Variants in ADGRL3 observed in about 807,000 individuals in gnomAD.
ADGRL3 encodes adhesion G protein-coupled receptor L3, also known as calcium-independent alpha-latrotoxin receptor 3.
In ADGRL3, 62 loss-of-function variants were observed where a neutral mutation model predicts 153.5. That is an observed-to-expected ratio of 0.40 (90% CI 0.33 to 0.50). The LOEUF (loss-of-function observed/expected upper bound fraction) is 0.50, where lower values mean the gene tolerates loss of function less well. ADGRL3 is among the 20% of genes least tolerant of loss of function. The pLI, the probability that ADGRL3 is intolerant of heterozygous loss-of-function variation, is 0.47. For missense variants in ADGRL3, 1,641 were observed against 1,859.4 expected, an observed-to-expected ratio of 0.88 and a Z score of 2.16; for synonymous variants, 710 against 672.5, an observed-to-expected ratio of 1.06 and a Z score of -0.86.
intron 5 of ADGRL3, among the ~76,000 whole-genome samples, chr4:61,611,993 A>T (rs2091421959): frequency 6.6e-6 from 1 of 152,146 alleles, no homozygotes; most frequent in Non-Finnish European, 1.5e-5. Flanking sequence ...AATAAGCCTC[A>T]TACATTTCTT....
chr4:61,493,671 G>A (rs116163686), intron 2 of ADGRL3, among the ~76,000 whole-genome samples: 2 of 152,066 alleles, frequency 1.3e-5, no homozygotes, highest in Non-Finnish European at 2.9e-5. Flanking sequence ...TCTTCTCTGC[G>A]TGCTTTCCTG....
intron 23 of ADGRL3, among the ~76,000 whole-genome samples, chr4:62,035,173 A>C (rs1211012767): frequency 6.6e-6 from 1 of 151,990 alleles, no homozygotes; most frequent in Non-Finnish European, 1.5e-5. Context: ...AAATAAAGTC[A>C]GTATAATGAT....
intron 1 of ADGRL3, among the ~76,000 whole-genome samples, chr4:61,345,050 G>C (rs545098044): frequency 2.9e-4 from 44 of 151,304 alleles, no homozygotes; most frequent in African/African-American, 8.7e-4. Flanking sequence ...CATCCGCCTC[G>C]GCCTTTCAAA....
chr4:61,739,159 ATATAGT>A (rs2096553133), intron 8 of ADGRL3, among the ~76,000 whole-genome samples: 1 of 152,306 alleles, frequency 6.6e-6, no homozygotes, highest in African/African-American at 2.4e-5. Context: ...ATTTTAAATA[ATATAGT>A]TATATTTCAC....
chr4:61,772,503 A>G (rs2097098102), intron 8 of ADGRL3, among the ~76,000 whole-genome samples: 1 of 152,346 alleles, frequency 6.6e-6, no homozygotes, highest in South Asian at 2.1e-4. Flanking sequence ...TTTACACGAC[A>G]TGAGAGACTT....
chr4:61,695,473 T>C (rs900762510), intron 6 of ADGRL3, among the ~76,000 whole-genome samples: 2 of 152,166 alleles, frequency 1.3e-5, no homozygotes, highest in African/African-American at 4.8e-5. Context: ...ACATTTTCAG[T>C]AGATCATGCT....
chr4:61,410,846 GT>G (rs1188238161), intron 2 of ADGRL3, among the ~76,000 whole-genome samples: 2 of 152,178 alleles, frequency 1.3e-5, no homozygotes, highest in African/African-American at 2.4e-5. Flanking sequence ...TGCTGATGCA[GT>G]TTTGGGGCAG....
intron 2 of ADGRL3, among the ~76,000 whole-genome samples, chr4:61,479,601 T>G (rs2098110249): frequency 6.6e-6 from 1 of 152,116 alleles, no homozygotes; most frequent in Admixed American, 6.5e-5. Flanking sequence ...CAGAAACTAT[T>G]TGCAGAGCCC....
At chr4:61,910,476 A>G in intron 12 of ADGRL3, among the ~76,000 whole-genome samples, 1 of 150,016 alleles carries the variant, frequency 6.7e-6, no homozygotes, top group African/African-American at 2.4e-5. Flanking sequence ...TATAAAATAT[A>G]TTTCATATAT....
chr4:61,262,433 T>G (rs903411934), intron 1 of ADGRL3, among the ~76,000 whole-genome samples: 3 of 152,058 alleles, frequency 2.0e-5, no homozygotes, highest in African/African-American at 7.2e-5. Flanking sequence ...AAAATTAAGG[T>G]CGCCATTGTG....
intron 1 of ADGRL3, among the ~76,000 whole-genome samples, chr4:61,330,664 C>T (rs2095553896): frequency 6.6e-6 from 1 of 152,088 alleles, no homozygotes; most frequent in African/African-American, 2.4e-5. Flanking sequence ...GGCACGGACC[C>T]AAAGAGTGAG....
At chr4:61,694,179 AT>A (rs554084495) in intron 6 of ADGRL3, among the ~76,000 whole-genome samples, 5 of 26,710 alleles carry the variant, frequency 1.9e-4, no homozygotes, top group Admixed American at 5.5e-4. Context: ...TTTTGTCATT[AT>A]TTTTTTTTTT....
At chr4:62,038,389 C>T (rs1726261927) in intron 24 of ADGRL3, among the ~76,000 whole-genome samples, 2 of 152,206 alleles carry the variant, frequency 1.3e-5, no homozygotes, top group Non-Finnish European at 2.9e-5. Flanking sequence ...CACTCCCATT[C>T]GCCCAGCACT....
intron 1 of ADGRL3, among the ~76,000 whole-genome samples, chr4:61,313,912 C>T (rs1578228609): frequency 1.3e-5 from 2 of 152,166 alleles, no homozygotes; most frequent in Admixed American, 6.5e-5. Flanking sequence ...TGCCCACACT[C>T]ACTCAGACTG....
chr4:61,809,143 A>G (rs1351344605), intron 8 of ADGRL3, among the ~76,000 whole-genome samples: 1 of 152,152 alleles, frequency 6.6e-6, no homozygotes, highest in Admixed American at 6.6e-5. Context: ...ACCATCAGCT[A>G]TTAAACTTGT....
intron 1 of ADGRL3, among the ~76,000 whole-genome samples, chr4:61,346,657 C>T (rs759388148): frequency 2.6e-5 from 4 of 151,010 alleles, no homozygotes; most frequent in Non-Finnish European, 5.9e-5. Flanking sequence ...TGACTATTGT[C>T]CCGGCTACTC....
At chr4:61,344,646 C>G (rs1316041250) in intron 1 of ADGRL3, among the ~76,000 whole-genome samples, 1 of 151,920 alleles carries the variant, frequency 6.6e-6, no homozygotes, top group Non-Finnish European at 1.5e-5. Context: ...GATCATTGTG[C>G]CTGTCCTGGT....
chr4:61,736,956 TTGCA>T (rs1165102853), intron 8 of ADGRL3, among the ~76,000 whole-genome samples: 2 of 152,192 alleles, frequency 1.3e-5, no homozygotes, highest in African/African-American at 4.8e-5. Flanking sequence ...TAGAAATAAA[TTGCA>T]TGCATGATAT....
intron 8 of ADGRL3, among the ~76,000 whole-genome samples, chr4:61,769,734 T>C (rs1024599343): frequency 7.2e-6 from 1 of 138,534 alleles, no homozygotes. Context: ...CTCTGGCGGG[T>C]AGGAGTGGGG....
Sources: gnomAD v4.1 joint callset for allele counts (sites outside exome capture counted in the v4.1 genomes callset) on GRCh38, gnomAD v4.1.1 for gene constraint, MANE v1.5 for transcripts, NCBI Gene and HGNC (gene_info 2026-07-23, HGNC 2026-07-21) for gene names.